Variants in ZDHHC19 observed in about 807,000 individuals in gnomAD.
The protein encoded by ZDHHC19 is zDHHC palmitoyltransferase 19.
Under a neutral mutation model 33.9 loss-of-function variants are expected in ZDHHC19, and 30 were observed. The ratio of observed to expected loss-of-function variants is 0.88; its 90% confidence interval spans 0.66 to 1.20. The LOEUF is 1.20. ZDHHC19 is among the 50% of genes most tolerant of loss of function. ZDHHC19 has a pLI of 0.00. For missense variants in ZDHHC19, 364 were observed against 401.1 expected (o/e 0.91, Z 0.79); for synonymous variants, 178 against 167.6 (o/e 1.06, Z -0.48).
In ZDHHC19 at chr3:196,203,257, AAAAG is replaced by A. The variant is rs983040603; in HGVS notation, c.687+4137_687+4140del. Among the ~76,000 whole-genome samples, 9 of 152,192 alleles carry A rather than the reference AAAAG, an allele frequency of 5.9e-5. No homozygotes were observed. The highest frequency in any genetic ancestry group is 1.7e-4 in the African/African-American group (7 of 41,498). On this transcript the variant is annotated intron_variant, in intron 5 of 7. Coordinates refer to ENST00000296326, the MANE Select transcript of ZDHHC19 (RefSeq NM_001039617.2). The surrounding 1 kb of genome is among the most constrained non-coding windows in gnomAD (Gnocchi z 4.3). ...AATACTCTGTCTCAAAAAAGAAAAA[AAAAG>A]AAAGAAAGAAGAAAGAAAGAGAGAG...
At chr3:196,200,550 T>C (rs528604783) in intron 5 of ZDHHC19, among the ~76,000 whole-genome samples, 15 of 149,636 alleles carry the variant, frequency 1.0e-4, no homozygotes, top group East Asian at 7.8e-4. Flanking sequence ...GAGACGGGGT[T>C]TCACCGTGTT....
intron 2 of ZDHHC19, among the ~76,000 whole-genome samples, chr3:196,210,324 G>GGAAA (rs201050182): frequency 8.5e-4 from 51 of 59,892 alleles, no homozygotes; most frequent in Admixed American, 2.8e-3. Context: ...AAGGAAAGAA[G>GGAAA]GAAAGAAAGA....
At chr3:196,206,218 A>G (rs904285278) in intron 5 of ZDHHC19, among the ~76,000 whole-genome samples, 1 of 150,840 alleles carries the variant, frequency 6.6e-6, no homozygotes, top group Admixed American at 6.6e-5. Context: ...CACCTGGCTA[A>G]TTTTTGTATT....
At chr3:196,201,798 C>G (rs566981781) in intron 5 of ZDHHC19, among the ~76,000 whole-genome samples, 2 of 152,274 alleles carry the variant, frequency 1.3e-5, no homozygotes, top group East Asian at 3.9e-4. Flanking sequence ...AGACCTGGGG[C>G]TCCTGCTCCG....
chr3:196,210,868 G>A (rs1723248263), intron 1 of ZDHHC19, 131 bp from the exon 2 acceptor site: 3 of 1,383,352 alleles, frequency 2.2e-6, no homozygotes, highest in Non-Finnish European at 1.9e-6. Context: ...CAAATACCCA[G>A]GCAGACTCAT....
chr3:196,210,376 GAGAGAGGA>G (rs1242630695), intron 2 of ZDHHC19, among the ~76,000 whole-genome samples: 2 of 100,862 alleles, frequency 2.0e-5, no homozygotes, highest in African/African-American at 3.1e-5. Flanking sequence ...AGGAAGGAAA[GAGAGAGGA>G]AGGAAGGAAA....
At chr3:196,208,949 C>T (rs975367559) in intron 3 of ZDHHC19, 4 of 276,004 alleles carry the variant, frequency 1.4e-5, no homozygotes, top group Non-Finnish European at 2.8e-5. Flanking sequence ...TAAACCTATG[C>T]AAGCCGTGCT....
chr3:196,209,801 G>C (rs1723067885), intron 2 of ZDHHC19, among the ~76,000 whole-genome samples: 1 of 152,230 alleles, frequency 6.6e-6, no homozygotes, highest in South Asian at 2.1e-4. Flanking sequence ...TGGTTTGGAA[G>C]AGCCCACTGG....
rs1722324587 is a variant in ZDHHC19, at chr3:196,201,255, T to C, written c.688-2381A>G. Among the ~76,000 whole-genome samples, 3 of 151,572 alleles carry C rather than the reference T, an allele frequency of 2.0e-5. No individual in the cohort carries two copies. In the South Asian group the frequency reaches 6.2e-4, roughly 31 times the overall value. Reference sequence around the variant, plus strand: ...GCCCAGCTAATTTTTGTATTTTTAGTAGAGACGGGGTTTCACTGTGTTGGC... The same window carrying C: ...GCCCAGCTAATTTTTGTATTTTTAGCAGAGACGGGGTTTCACTGTGTTGGC... On this transcript the variant is annotated intron_variant, in intron 5 of 7. Transcript: ENST00000296326.
rs558542589 is a variant in ZDHHC19 at position 196,207,310 on chromosome 3, C to A, written c.687+88G>T. On this transcript the variant is annotated intron_variant, in intron 5 of 7. Transcript: ENST00000296326. ...ACGAGGCACCATCGCGGGTGGGGGT[C>A]AGGCTATCAGGGCCAAGGGCAGTGG... 4 of 1,193,914 alleles carry A rather than the reference C, an allele frequency of 3.4e-6. No homozygotes were observed. In the South Asian group the frequency reaches 5.5e-5, roughly 17 times the overall value. 74.0% of individuals were successfully genotyped at this position (1,193,914 alleles called of 1,614,324 possible). A position where few individuals can be genotyped will look rare whatever the true frequency, so the allele number is the denominator to read the frequency against.
intron 3 of ZDHHC19, chr3:196,208,832 G>T: frequency 2.1e-6 from 1 of 472,228 alleles, no homozygotes; most frequent in Non-Finnish European, 3.8e-6. Context: ...ACATCCTACT[G>T]TAACTCTGGG....
chr3:196,204,035 T>C (rs886127842), intron 5 of ZDHHC19, among the ~76,000 whole-genome samples: 7 of 152,114 alleles, frequency 4.6e-5, no homozygotes, highest in African/African-American at 1.7e-4. Context: ...TGCTCCACAT[T>C]GTGCTAGAGG....
Position 196,209,418 on chromosome 3 carries a change from C to A in ZDHHC19, c.366G>T (p.Pro122=). 1 of 1,607,928 alleles carries A rather than the reference C, an allele frequency of 6.2e-7. No individual in the cohort carries two copies. Among genetic ancestry groups the A allele is most frequent in the Admixed American group, 1.7e-5 (1 of 58,916 alleles). Residue 122 remains proline, a synonymous_variant, in exon 3 of 8, where the codon CCG becomes CCT. Transcript: ENST00000296326. ...ACCAGGGGCAGTGGTAAGTCCGGGG[C>A]GGGCGGTGGAAGCAGCACTTTGGAC... ...QWCPKCCFHR[P]PRTYHCPWCN...
In ZDHHC19 at chr3:196,208,469, T is replaced by TA. The variant is rs1329044190; in HGVS notation, c.499dup (p.Tyr167LeufsTer96). ...ACAGGTGACCAGCATGGCGCCCGAGTAGAGGCACAGGGACAGGACAAGCAG... is the reference window on the plus strand; with the variant it reads ...ACAGGTGACCAGCATGGCGCCCGAGTAAGAGGCACAGGGACAGGACAAGCAG... On this transcript the variant is annotated frameshift_variant, in exon 4 of 8. Coordinates refer to ENST00000296326, the MANE Select transcript of ZDHHC19 (RefSeq NM_001039617.2). LOFTEE classifies it high-confidence loss of function. The TA allele has an allele frequency of 6.2e-7, 1 of 1,614,030 alleles. No individual in the cohort carries two copies. The highest frequency in any genetic ancestry group is 2.2e-5 in the East Asian group (1 of 44,886).
chr3:196,201,774 A>C (rs903726324), intron 5 of ZDHHC19, among the ~76,000 whole-genome samples: 3 of 152,144 alleles, frequency 2.0e-5, no homozygotes, highest in Non-Finnish European at 4.4e-5. Flanking sequence ...CAGACTGTCC[A>C]CCTCACTGTC....
rs372115549 is a variant in ZDHHC19 at position 196,200,561 on chromosome 3, A to G, written c.688-1687T>C. 7.3e-3 allele frequency among the ~76,000 whole-genome samples: 1,083 copies of G among 148,630 alleles called. 11 individuals carry two copies. Among genetic ancestry groups the G allele is most frequent in the Non-Finnish European group, 0.011 (712 of 67,674 alleles). On this transcript the variant is annotated intron_variant, in intron 5 of 7. Transcript: ENST00000296326. ...AGTAGAGACGGGGTTTCACCGTGTT[A>G]GCCAGGATGGTCTCGATCTCCTGAC...
At chr3:196,205,646 T>C (rs993081587) in intron 5 of ZDHHC19, among the ~76,000 whole-genome samples, 2 of 152,166 alleles carry the variant, frequency 1.3e-5, no homozygotes, top group South Asian at 2.1e-4. Context: ...TATTGCTCAA[T>C]AAACGACTTT....
rs112718222 is a variant in ZDHHC19, at chr3:196,203,616, G to A, written c.687+3782C>T. Reference sequence around the variant, plus strand: ...GGGAAGGAGCCCTGCCTGGTGAATCGCAGGCCACGTTAGGGTCCCTGGAGG... The same window carrying A: ...GGGAAGGAGCCCTGCCTGGTGAATCACAGGCCACGTTAGGGTCCCTGGAGG... On this transcript the variant is annotated intron_variant, in intron 5 of 7. Transcript: ENST00000296326. This position sits in a 1 kb window ranked among gnomAD's most constrained non-coding sequence, Gnocchi z 4.3. Among the ~76,000 whole-genome samples the A allele has an allele frequency of 1.7e-3, 252 of 152,308 alleles. 1 individual carries two copies. Among genetic ancestry groups the A allele is most frequent in the African/African-American group, 5.7e-3 (236 of 41,572 alleles).
intron 4 of ZDHHC19, 52 bp downstream of exon 4, chr3:196,208,336 C>A (rs12497404): frequency 5.7e-6 from 9 of 1,579,228 alleles, no homozygotes; most frequent in South Asian, 2.3e-5. Context: ...CTCTGCAGCC[C>A]CCTCCTTGGC....
Sources: allele counts gnomAD v4.1 joint callset (sites outside exome capture counted in the v4.1 genomes callset), GRCh38; gene constraint gnomAD v4.1.1; non-coding constraint Gnocchi (gnomAD v3.1); transcripts MANE v1.5; gene names NCBI Gene and HGNC (gene_info 2026-07-23, HGNC 2026-07-21).